The following MEMO1 variants were observed in gnomAD, a reference collection of about 807,000 sequenced individuals.
The protein encoded by MEMO1 is mediator of cell motility 1.
A neutral mutation model predicts 45.2 loss-of-function variants in MEMO1; 6 were observed. The observed-to-expected ratio is 0.13, with a 90% CI of 0.07 to 0.26. The LOEUF is 0.26. Ranked by LOEUF, MEMO1 falls within the 10% of genes least tolerant of loss-of-function variation. MEMO1 has a pLI of 1.00. For synonymous variants in MEMO1, 78 were observed against 124.3 expected (o/e 0.63, Z 2.48); for missense variants, 184 against 370.5 (o/e 0.50, Z 4.13).
chr2:31,922,860 T>C (rs542813967), intron 4 of MEMO1, among the ~76,000 whole-genome samples: 1 of 152,270 alleles, frequency 6.6e-6, no homozygotes, highest in East Asian at 1.9e-4. Flanking sequence ...ACATTTTCTT[T>C]ATCTAGTCTA....
chr2:31,969,586 G>GGTGTGTGTGTGTGTGTGTGTGTGTGT (rs367639470), intron 2 of MEMO1, among the ~76,000 whole-genome samples: 2 of 119,228 alleles, frequency 1.7e-5, no homozygotes, highest in African/African-American at 6.6e-5. Flanking sequence ...TGTGTGTGTG[G>GGTGTGTGTGTGTGTGTGTGTGTGTGT]GTGTGTGTGT....
At chr2:31,932,275 T>C (rs957774297) in intron 3 of MEMO1, 140 bp from the exon 4 acceptor site, 2 of 628,448 alleles carry the variant, frequency 3.2e-6, no homozygotes, top group African/African-American at 1.8e-5. Context: ...ATGTAGTTAA[T>C]GATGTGACTT....
At chr2:31,895,989 G>A (rs1240583395) in intron 6 of MEMO1, among the ~76,000 whole-genome samples, 6 of 151,810 alleles carry the variant, frequency 4.0e-5, no homozygotes, top group South Asian at 2.1e-4. Flanking sequence ...GACTACAGGC[G>A]CCCGCCACCT....
At chr2:31,954,248 A>G (rs1391092510) in intron 2 of MEMO1, among the ~76,000 whole-genome samples, 1 of 152,154 alleles carries the variant, frequency 6.6e-6, no homozygotes, top group Non-Finnish European at 1.5e-5. Flanking sequence ...CTGCCTTTAA[A>G]TCTTTTTAAC....
chr2:31,997,237 C>G (rs1672721424), intron 2 of MEMO1, among the ~76,000 whole-genome samples: 1 of 152,204 alleles, frequency 6.6e-6, no homozygotes, highest in South Asian at 2.1e-4. Flanking sequence ...AAACTCAAAA[C>G]TATTCAAAGG....
chr2:31,990,203 A>G (rs1436178516), intron 2 of MEMO1, among the ~76,000 whole-genome samples: 3 of 152,170 alleles, frequency 2.0e-5, no homozygotes, highest in Admixed American at 1.3e-4. Flanking sequence ...GCAAAACAAC[A>G]TATCACAACA....
intron 6 of MEMO1, among the ~76,000 whole-genome samples, chr2:31,893,794 G>A (rs1319547366): frequency 7.1e-6 from 1 of 140,528 alleles, no homozygotes; most frequent in African/African-American, 2.5e-5. Context: ...AACAACACAT[G>A]TCTACTCTCC....
chr2:31,997,123 C>T (rs1344230533), intron 2 of MEMO1, among the ~76,000 whole-genome samples: 1 of 151,608 alleles, frequency 6.6e-6, no homozygotes, highest in African/African-American at 2.4e-5. Flanking sequence ...TCAGGGACCT[C>T]AATGAAAAAA....
intron 6 of MEMO1, among the ~76,000 whole-genome samples, chr2:31,906,118 C>G (rs114483095): frequency 0.017 from 2,601 of 151,506 alleles, 40 homozygotes; most frequent in South Asian, 0.05. Context: ...GATACAGGCA[C>G]ACACCCACAC....
chr2:31,986,935 A>G (rs762809176), intron 2 of MEMO1, among the ~76,000 whole-genome samples: 12 of 152,242 alleles, frequency 7.9e-5, no homozygotes, highest in Admixed American at 6.5e-4. Context: ...AAGAGAGAAC[A>G]GCAAATGCAA....
At chr2:31,969,586 GGTGT>G (rs367639470) in intron 2 of MEMO1, among the ~76,000 whole-genome samples, 17,207 of 118,750 alleles carry the variant, frequency 0.14, 1,051 homozygotes, top group East Asian at 0.22. Context: ...TGTGTGTGTG[GGTGT>G]GTGTGTGTGT....
intron 2 of MEMO1, 119 bp downstream of exon 2, chr2:32,010,068 C>G (rs1674657237): frequency 3.0e-6 from 1 of 338,796 alleles, no homozygotes. Flanking sequence ...CGCCCGGCGG[C>G]CCGTCCGCGC....
At chr2:31,923,715 T>A (rs1443225238) in intron 4 of MEMO1, 1 of 1,546,656 alleles carries the variant, frequency 6.5e-7, no homozygotes, top group South Asian at 1.2e-5. Flanking sequence ...ATATTTAACA[T>A]CAGAGCACTC....
At chr2:31,939,264 TTA>T (rs934490958) in intron 3 of MEMO1, among the ~76,000 whole-genome samples, 5 of 152,212 alleles carry the variant, frequency 3.3e-5, no homozygotes, top group South Asian at 2.1e-4. Flanking sequence ...ATGTTTATAT[TTA>T]TGTTTTTATA....
chr2:31,962,036 A>T (rs183665333), intron 2 of MEMO1, among the ~76,000 whole-genome samples: 1 of 152,116 alleles, frequency 6.6e-6, no homozygotes, highest in Non-Finnish European at 1.5e-5. Flanking sequence ...AATGAAGAGG[A>T]TAAACTCAAT....
At chr2:31,881,868 G>A (rs1373561722) in intron 8 of MEMO1, among the ~76,000 whole-genome samples, 1 of 152,128 alleles carries the variant, frequency 6.6e-6, no homozygotes, top group East Asian at 1.9e-4. Flanking sequence ...AAAAAGCTGG[G>A]TGCGGTGTCA....
intron 9 of MEMO1, among the ~76,000 whole-genome samples, chr2:31,868,873 T>C (rs1673257080): frequency 6.6e-6 from 1 of 152,206 alleles, no homozygotes; most frequent in African/African-American, 2.4e-5. Flanking sequence ...AAATTTGAAA[T>C]GTATACAAAT....
chr2:31,869,114 T>C (rs2147860408), intron 9 of MEMO1, among the ~76,000 whole-genome samples: 1 of 152,216 alleles, frequency 6.6e-6, no homozygotes, highest in East Asian at 1.9e-4. Flanking sequence ...CACAATATAT[T>C]ACCTTTCAAA....
chr2:31,925,987 C>T (rs545940188), intron 4 of MEMO1, among the ~76,000 whole-genome samples: 1 of 152,198 alleles, frequency 6.6e-6, no homozygotes, highest in South Asian at 2.1e-4. Flanking sequence ...AGACATTTTC[C>T]TCATGGAACA....
Sources: gnomAD v4.1 joint callset for allele counts (sites outside exome capture counted in the v4.1 genomes callset) on GRCh38, gnomAD v4.1.1 for gene constraint, MANE v1.5 for transcripts, NCBI Gene and HGNC (gene_info 2026-07-23, HGNC 2026-07-21) for gene names.